The following DRICH1 variants were observed in gnomAD, a reference collection of about 807,000 sequenced individuals.
DRICH1 encodes the protein aspartate rich 1, also known as aspartate-rich protein 1.
In DRICH1, 38 loss-of-function variants were observed where a neutral mutation model predicts 39.5. The observed-to-expected ratio is 0.96, with a 90% CI of 0.74 to 1.26. The LOEUF is 1.26. Ranked by LOEUF, DRICH1 falls within the 50% of genes most tolerant of loss-of-function variation. The pLI is 0.00. For synonymous variants in DRICH1, 84 were observed against 99.5 expected, an observed-to-expected ratio of 0.84 and a Z score of 0.93; for missense variants, 279 against 270.4, an observed-to-expected ratio of 1.03 and a Z score of -0.22.
intron 1 of DRICH1, among the ~76,000 whole-genome samples, chr22:23,627,068 A>ATT (rs141545226): frequency 1.2e-4 from 15 of 127,344 alleles, no homozygotes; most frequent in Admixed American, 1.6e-4. Context: ...TGAGGTTCTG[A>ATT]TTTTTTTTTT....
At chr22:23,603,892 T>G (rs1049666815), downstream of DRICH1, among the ~76,000 whole-genome samples, 2 of 152,156 alleles carry the variant, frequency 1.3e-5, no homozygotes, top group African/African-American at 4.8e-5. Context: ...CTTGCTGCCT[T>G]CTGGGGACAC....
intron 5 of DRICH1, 128 bp from the exon 6 acceptor site, chr22:23,619,521 C>A: frequency 1.4e-6 from 1 of 701,636 alleles, no homozygotes; most frequent in South Asian, 1.5e-5. Context: ...CTACAAAAAA[C>A]AGAGAAATGC....
intron 2 of DRICH1, 128 bp downstream of exon 2, chr22:23,625,853 A>T: frequency 1.4e-6 from 1 of 727,674 alleles, no homozygotes; most frequent in East Asian, 2.5e-5. Context: ...TTGCAAGACC[A>T]TCATTAAAAG....
the DRICH1 span, among the ~76,000 whole-genome samples, chr22:23,593,385 C>G: frequency 6.6e-6 from 1 of 152,068 alleles, no homozygotes; most frequent in Non-Finnish European, 1.5e-5. Context: ...GCAAACAGGC[C>G]GGGTGCGGTG....
At chr22:23,613,517 G>A in intron 10 of DRICH1, 122 bp downstream of exon 10, 1 of 922,686 alleles carries the variant, frequency 1.1e-6, no homozygotes, top group Non-Finnish European at 1.8e-6. Context: ...GTTCTATACT[G>A]GCAGAATCAC....
intron 11 of DRICH1, among the ~76,000 whole-genome samples, chr22:23,609,563 A>T (rs1771285358): frequency 6.6e-6 from 1 of 152,070 alleles, no homozygotes; most frequent in Admixed American, 6.5e-5. Context: ...GACCAGGGGT[A>T]CACCTGTTTG....
At chr22:23,596,227 G>C in the DRICH1 span, among the ~76,000 whole-genome samples, 2 of 151,828 alleles carry the variant, frequency 1.3e-5, no homozygotes, top group Non-Finnish European at 2.9e-5. Flanking sequence ...AGTTCTCCCC[G>C]GGTCCAACCT....
At chr22:23,628,332 C>T (rs934166702) in intron 1 of DRICH1, among the ~76,000 whole-genome samples, 34 of 152,160 alleles carry the variant, frequency 2.2e-4, no homozygotes, top group Admixed American at 2.0e-3. Flanking sequence ...TTTGGGAGGC[C>T]GAGGTGGGTG....
intron 4 of DRICH1, among the ~76,000 whole-genome samples, chr22:23,620,960 T>C (rs1255156478): frequency 6.6e-6 from 1 of 152,170 alleles, no homozygotes; most frequent in Non-Finnish European, 1.5e-5. Context: ...TAGTGTGTCA[T>C]GTATTCGATG....
At position 23,632,193 on chromosome 22, in the gene DRICH1, G is replaced by A. The variant is rs1921004993; in HGVS notation, c.-170C>T. ...CTGCCGCCACCTCCCAAACTAGCTG[G>A]TCTATGAGGTCAGGGACCTGCTGTC... On this transcript the variant is annotated 5_prime_UTR_variant, in exon 1 of 12. Coordinates refer to ENST00000317749, the MANE Select transcript of DRICH1 (RefSeq NM_016449.4). The A allele has an allele frequency of 1.3e-5, 14 of 1,094,214 alleles. No homozygotes were observed. The highest frequency in any genetic ancestry group is 1.8e-5 in the Non-Finnish European group (14 of 780,308). 67.8% of individuals were successfully genotyped at this position (1,094,214 alleles called of 1,614,324 possible). A position where few individuals can be genotyped will look rare whatever the true frequency, so the allele number is the denominator to read the frequency against.
rs552123032 is a variant in DRICH1 at position 23,616,684 on chromosome 22, TG to T, written c.541+168del. On this transcript the variant is annotated intron_variant, in intron 8 of 11. Coordinates refer to ENST00000317749, the MANE Select transcript of DRICH1 (RefSeq NM_016449.4). ...ACACAAAATCTCCTGGTTGGTCCTCTGGGTTCACACACATTTCTACAGCCCC... is the reference window on the plus strand; with the variant it reads ...ACACAAAATCTCCTGGTTGGTCCTCTGGTTCACACACATTTCTACAGCCCC... Among the ~76,000 whole-genome samples, 1,480 of 152,310 alleles carry T rather than the reference TG, an allele frequency of 9.7e-3. 24 individuals are homozygous for T. The highest frequency in any genetic ancestry group is 0.033 in the African/African-American group (1,361 of 41,560).
At chr22:23,622,709 TA>T (rs1199911602) in intron 3 of DRICH1, among the ~76,000 whole-genome samples, 5 of 86,948 alleles carry the variant, frequency 5.8e-5, no homozygotes, top group Admixed American at 5.5e-4. Flanking sequence ...ATGCTACAAT[TA>T]AAAATAGTCA....
the DRICH1 span, among the ~76,000 whole-genome samples, chr22:23,594,524 C>G: frequency 6.6e-6 from 1 of 152,194 alleles, no homozygotes; most frequent in Non-Finnish European, 1.5e-5. Context: ...AAGCCAAGAT[C>G]GCACCACTAC....
At chr22:23,612,229 G>T (rs1339259196) in intron 11 of DRICH1, among the ~76,000 whole-genome samples, 2 of 151,970 alleles carry the variant, frequency 1.3e-5, no homozygotes, top group Admixed American at 1.3e-4. Context: ...ACTTTGGGAG[G>T]CTGAGGCGGG....
chr22:23,606,038 C>T (rs1368807897), downstream of DRICH1, among the ~76,000 whole-genome samples: 1 of 150,474 alleles, frequency 6.6e-6, no homozygotes, highest in African/African-American at 2.4e-5. Flanking sequence ...CACGCCACTG[C>T]ACTCCCGCCT....
At chr22:23,601,886 T>C in the DRICH1 span, among the ~76,000 whole-genome samples, 3 of 152,332 alleles carry the variant, frequency 2.0e-5, no homozygotes, top group Admixed American at 1.3e-4. Flanking sequence ...GTGGTTGGGG[T>C]ACAGAAAGGG....
At chr22:23,631,333 T>C (rs2123802780) in intron 1 of DRICH1, among the ~76,000 whole-genome samples, 1 of 151,910 alleles carries the variant, frequency 6.6e-6, no homozygotes, top group Admixed American at 6.6e-5. Flanking sequence ...AGAGAATCGC[T>C]TGAACCCAGG....
chr22:23,623,900 G>GTCTCTT, intron 3 of DRICH1: 1 of 955,088 alleles, frequency 1.0e-6, no homozygotes, highest in Non-Finnish European at 1.2e-6. Context: ...GGAAAGGAAA[G>GTCTCTT]TCTCTTCCAC....
At chr22:23,625,906 G>C in intron 2 of DRICH1, 75 bp downstream of exon 2, 1 of 1,197,136 alleles carries the variant, frequency 8.4e-7, no homozygotes, top group Non-Finnish European at 1.2e-6. Context: ...CCATTCTTTG[G>C]GTTTAGATGG....
Sources: allele counts gnomAD v4.1 joint callset (sites outside exome capture counted in the v4.1 genomes callset), GRCh38; gene constraint gnomAD v4.1.1; transcripts MANE v1.5; gene names NCBI Gene and HGNC (gene_info 2026-07-23, HGNC 2026-07-21).